Variants in DNAH14 observed in about 807,000 individuals in gnomAD.
DNAH14 encodes the protein axonemal beta dynein heavy chain 14.
In DNAH14, 478 loss-of-function variants were observed where a neutral mutation model predicts 520.9. That is an observed-to-expected ratio of 0.92 (90% CI 0.85 to 0.99). The LOEUF (loss-of-function observed/expected upper bound fraction) is 0.99. Ranked by LOEUF, DNAH14 falls within the 50% of genes least tolerant of loss-of-function variation. The pLI is 0.00. For synonymous variants in DNAH14, 1,581 were observed against 1,757.2 expected, an observed-to-expected ratio of 0.90 and a Z score of 2.51; for missense variants, 4,831 against 5,234.5, an observed-to-expected ratio of 0.92 and a Z score of 2.38.
chr1:225,362,864 A>G (rs2095508529), intron 75 of DNAH14, among the ~76,000 whole-genome samples: 2 of 152,230 alleles, frequency 1.3e-5, no homozygotes, highest in Admixed American at 1.3e-4. Flanking sequence ...AGAAAAAATA[A>G]AAAGCTACAA....
At chr1:225,225,782 G>A (rs931683016) in intron 41 of DNAH14, among the ~76,000 whole-genome samples, 1 of 152,186 alleles carries the variant, frequency 6.6e-6, no homozygotes. Flanking sequence ...ACATGGGGAA[G>A]AGGATATGCT....
chr1:225,009,584 A>G (rs897652148), intron 10 of DNAH14, among the ~76,000 whole-genome samples: 2 of 152,068 alleles, frequency 1.3e-5, no homozygotes, highest in African/African-American at 4.8e-5. Context: ...TCTTGGCTAT[A>G]AAGGCTCTTT....
intron 12 of DNAH14, among the ~76,000 whole-genome samples, chr1:225,041,301 A>G (rs75221559): frequency 1.4e-3 from 206 of 152,334 alleles, no homozygotes; most frequent in African/African-American, 4.7e-3. Flanking sequence ...TGGATCTGGT[A>G]ATCATTGGTG....
At chr1:225,296,760 A>G (rs2094018204) in intron 55 of DNAH14, among the ~76,000 whole-genome samples, 1 of 152,062 alleles carries the variant, frequency 6.6e-6, no homozygotes, top group South Asian at 2.1e-4. Context: ...TGTTGGATAT[A>G]ATTTTCTTGG....
At chr1:225,395,068 T>C (rs137981825) in intron 84 of DNAH14, among the ~76,000 whole-genome samples, 147 of 152,222 alleles carry the variant, frequency 9.7e-4, no homozygotes, top group African/African-American at 3.1e-3. Flanking sequence ...CATGGTGGAG[T>C]ACATAGAACT....
At chr1:225,145,790 T>C (rs2079876554) in intron 30 of DNAH14, among the ~76,000 whole-genome samples, 1 of 152,230 alleles carries the variant, frequency 6.6e-6, no homozygotes, top group African/African-American at 2.4e-5. Flanking sequence ...TTAACACAAA[T>C]ATTTGAGTGT....
At chr1:225,270,912 G>C in intron 50 of DNAH14, 46 bp downstream of exon 50, 1 of 1,504,224 alleles carries the variant, frequency 6.6e-7, no homozygotes, top group Non-Finnish European at 9.0e-7. Context: ...TAATTCCCTA[G>C]AATAAGGAAA....
chr1:225,046,152 TG>T (rs1490921003), intron 15 of DNAH14, among the ~76,000 whole-genome samples: 19 of 151,606 alleles, frequency 1.3e-4, no homozygotes, highest in Admixed American at 1.3e-3. Flanking sequence ...TATATATGTG[TG>T]TATATATATT....
intron 77 of DNAH14, among the ~76,000 whole-genome samples, chr1:225,374,145 C>CTATATATATATATA (rs71170080): frequency 0.023 from 747 of 32,882 alleles, 57 homozygotes; most frequent in African/African-American, 0.035. Context: ...TTGTGTCTTA[C>CTATATATATATATA]TATATATATA....
chr1:225,229,034 G>T (rs982407970), intron 41 of DNAH14, among the ~76,000 whole-genome samples: 2 of 152,138 alleles, frequency 1.3e-5, no homozygotes, highest in Non-Finnish European at 2.9e-5. Context: ...TCTCTACTCA[G>T]CGGGGTTGAC....
chr1:224,951,223 G>C (rs536453658), intron 1 of DNAH14, among the ~76,000 whole-genome samples: 1 of 151,990 alleles, frequency 6.6e-6, no homozygotes, highest in East Asian at 1.9e-4. Context: ...GCGGGGTTTT[G>C]CCATCTTGCC....
chr1:225,189,268 G>A (rs1231468899), intron 37 of DNAH14, among the ~76,000 whole-genome samples: 1 of 151,734 alleles, frequency 6.6e-6, no homozygotes, highest in East Asian at 1.9e-4. Context: ...CAGTTTGTTA[G>A]CATCTTTTTG....
intron 76 of DNAH14, among the ~76,000 whole-genome samples, chr1:225,365,420 G>T (rs1010167691): frequency 6.6e-6 from 1 of 152,150 alleles, no homozygotes; most frequent in Non-Finnish European, 1.5e-5. Context: ...CTGACCGATG[G>T]CATAGGCAGA....
chr1:225,016,126 C>T (rs2065198390), intron 10 of DNAH14, among the ~76,000 whole-genome samples: 3 of 152,200 alleles, frequency 2.0e-5, no homozygotes, highest in Admixed American at 1.3e-4. Flanking sequence ...TGAAACAGTG[C>T]TGGATGAATA....
In DNAH14 at chr1:225,388,488, G is replaced by A. The variant is rs748144544; in HGVS notation, c.13187G>A (p.Arg4396His). The A allele has an allele frequency of 8.1e-6, 12 of 1,481,496 alleles. No individual in the cohort carries two copies. The highest frequency in any genetic ancestry group is 4.2e-5 in the African/African-American group (3 of 72,052). 91.8% of individuals were successfully genotyped at this position (1,481,496 alleles called of 1,614,324 possible). ...WAKVAYTAIQ[R>H]RYMRFVTVWK... Reference sequence around the variant, plus strand: ...AAAGTGGCTTATACTGCAATACAGCGTCGGTATGGATAAAAGATGCTTTAC... The same window carrying A: ...AAAGTGGCTTATACTGCAATACAGCATCGGTATGGATAAAAGATGCTTTAC... The change falls in exon 82 of 86, where the codon CGT (arginine) becomes CAT (histidine). Residue 4396 changes from arginine (R) to histidine (H), a missense_variant. Physicochemically the swap from Arg to His is conservative, Grantham distance 29. Coordinates refer to ENST00000682510, the MANE Select transcript of DNAH14 (RefSeq NM_001367479.1).
Position 225,290,208 on chromosome 1 carries a change from A to G in DNAH14, c.8469+126A>G, listed in dbSNP as rs904467743. The G allele has an allele frequency of 3.5e-5, 22 of 631,110 alleles. No homozygotes were observed. The African/African-American group carries it at 3.5e-4, about 10-fold the overall frequency. The allele number at this position is 631,110 out of a possible 1,614,324, so 39.1% of individuals were successfully genotyped here. On this transcript the variant is annotated intron_variant, in intron 55 of 85. Coordinates refer to ENST00000682510, the MANE Select transcript of DNAH14 (RefSeq NM_001367479.1). The stretch of plus-strand genomic sequence containing the variant: ...ATCAATGGTTCTATTACCCTACAAT[A>G]TCAGTTTTCTTGCAGTATTCTCTGT...
chr1:225,096,335 TA>T lies in DNAH14; in HGVS notation c.3574-780del, dbSNP rs1281177593. On this transcript the variant is annotated intron_variant, in intron 21 of 85. Coordinates refer to ENST00000682510, the MANE Select transcript of DNAH14 (RefSeq NM_001367479.1). ...TTCTTGTGTATCAGTGATACCTTAA[TA>T]AAGCTATTGAAATATAAAATAAAGT... 2.0e-5 allele frequency among the ~76,000 whole-genome samples: 3 copies of T among 152,142 alleles called. No individual in the cohort carries two copies. In the South Asian group the frequency reaches 6.2e-4, roughly 32 times the overall value.
chr1:225,358,687 T>C, intron 74 of DNAH14, 35 bp downstream of exon 74: 3 of 1,537,838 alleles, frequency 2.0e-6, no homozygotes, highest in Non-Finnish European at 2.6e-6. Flanking sequence ...ATGATCGATA[T>C]GGTTTGGCTC....
intron 41 of DNAH14, among the ~76,000 whole-genome samples, chr1:225,216,530 A>G (rs2089352485): frequency 6.6e-6 from 1 of 152,196 alleles, no homozygotes. Flanking sequence ...TTTCTGGTAC[A>G]CCAATCAGAC....
Sources: allele counts gnomAD v4.1 joint callset (sites outside exome capture counted in the v4.1 genomes callset), GRCh38; gene constraint gnomAD v4.1.1; transcripts MANE v1.5; gene names NCBI Gene and HGNC (gene_info 2026-07-23, HGNC 2026-07-21).